ACSF3: variants seen among roughly 807,000 people sequenced by gnomAD.
ACSF3 encodes malonate--CoA ligase ACSF3, mitochondrial.
ACSF3 carries 78 observed loss-of-function variants against 53.2 expected under a neutral mutation model. The ratio of observed to expected loss-of-function variants is 1.47; its 90% confidence interval spans 1.22 to 1.77. The LOEUF (loss-of-function observed/expected upper bound fraction) is 1.77. Among genes scored for constraint, ACSF3 ranks in the 40% most tolerant of loss-of-function variants. ACSF3 has a pLI of 0.00. For missense variants in ACSF3, 937 were observed against 771.1 expected (o/e 1.22, Z -2.55); for synonymous variants, 414 against 333.1 (o/e 1.24, Z -2.65).
At chr16:89,118,811 G>A (rs534287076) in intron 6 of ACSF3, among the ~76,000 whole-genome samples, 1 of 152,324 alleles carries the variant, frequency 6.6e-6, no homozygotes, top group Admixed American at 6.5e-5. Flanking sequence ...GAGTTATCAG[G>A]GAGGGGCTGG....
At chr16:89,101,793 C>T (rs1319365103) in intron 3 of ACSF3, among the ~76,000 whole-genome samples, 1 of 152,228 alleles carries the variant, frequency 6.6e-6, no homozygotes, top group East Asian at 1.9e-4. Flanking sequence ...GGCATTTGTA[C>T]AGTGTCATAA....
At chr16:89,132,035 G>A (rs551023866) in intron 7 of ACSF3, among the ~76,000 whole-genome samples, 6 of 152,338 alleles carry the variant, frequency 3.9e-5, no homozygotes, top group African/African-American at 1.4e-4. Flanking sequence ...CCCTCCTGGA[G>A]GAGCCCAGGC....
intron 5 of ACSF3, 112 bp from the exon 6 acceptor site, chr16:89,114,227 G>A: frequency 6.8e-7 from 1 of 1,472,044 alleles, no homozygotes; most frequent in Non-Finnish European, 9.3e-7. Context: ...ACTCGTGAAG[G>A]AGCTGCCACT....
intron 8 of ACSF3, chr16:89,141,215 C>A (rs1237268081): frequency 4.7e-6 from 6 of 1,287,226 alleles, no homozygotes; most frequent in East Asian, 1.1e-4. Flanking sequence ...TTGATAGCAG[C>A]GTCCCAGCCT....
At chr16:89,114,307 G>C (rs1411028567) in intron 5 of ACSF3, 32 bp from the exon 6 acceptor site, 2 of 1,613,358 alleles carry the variant, frequency 1.2e-6, no homozygotes, top group South Asian at 1.1e-5. Flanking sequence ...ACGTCCCAAG[G>C]GGCTAAACCT....
intron 8 of ACSF3, 91 bp downstream of exon 8, chr16:89,133,353 G>A: frequency 1.9e-6 from 3 of 1,566,274 alleles, no homozygotes; most frequent in Middle Eastern, 2.0e-4. Context: ...GAGGCTGGGA[G>A]TTCCCAGAAT....
chr16:89,130,696 C>T (rs1909098504), intron 7 of ACSF3, among the ~76,000 whole-genome samples: 1 of 152,202 alleles, frequency 6.6e-6, no homozygotes, highest in African/African-American at 2.4e-5. Flanking sequence ...TATGATGTGT[C>T]TGGGCTTGGA....
rs11273288 is a variant in ACSF3, at chr16:89,100,667, C to CCCCAGGAGGCTCCCAGGAG, written c.-14_-13insCCAGGAGGCTCCCAGGAGC. ...TGTGCCTTGCCTTTCTCCAGCTCGGCCGCCTGTCAGTGCAATGCTGCCCCA... is the reference window on the plus strand; with the variant it reads ...TGTGCCTTGCCTTTCTCCAGCTCGGCCCCAGGAGGCTCCCAGGAGCGCCTGTCAGTGCAATGCTGCCCCA... On this transcript the variant is annotated 5_prime_UTR_variant, in exon 3 of 11. Coordinates refer to ENST00000614302, the MANE Select transcript of ACSF3 (RefSeq NM_001243279.3). The CCCCAGGAGGCTCCCAGGAG allele has an allele frequency of 3.8e-6, 6 of 1,588,688 alleles. No homozygotes were observed. Among genetic ancestry groups the CCCCAGGAGGCTCCCAGGAG allele is most frequent in the Middle Eastern group, 1.8e-4 (1 of 5,440 alleles).
At chr16:89,107,394 G>C (rs748914192) in intron 4 of ACSF3, among the ~76,000 whole-genome samples, 1 of 152,078 alleles carries the variant, frequency 6.6e-6, no homozygotes, top group Admixed American at 6.5e-5. Flanking sequence ...CCTGCTACAC[G>C]CATGCTCTCC....
rs1038339913 is a variant in ACSF3, at chr16:89,154,571, C to T, written c.*364C>T. ...AGAGGTTTCCCACAAAAAACAAAGACTCCACTGGAGGAAACAAGCCCCTGT... is the reference window on the plus strand; with the variant it reads ...AGAGGTTTCCCACAAAAAACAAAGATTCCACTGGAGGAAACAAGCCCCTGT... On this transcript the variant is annotated 3_prime_UTR_variant, in exon 11 of 11. Coordinates refer to ENST00000614302, the MANE Select transcript of ACSF3 (RefSeq NM_001243279.3). 73 of 404,830 alleles carry T rather than the reference C, an allele frequency of 1.8e-4. 2 individuals carry two copies. The Admixed American group carries it at 1.8e-3, about 10-fold the overall frequency. 25.1% of individuals were successfully genotyped at this position (404,830 alleles called of 1,614,324 possible).
At chr16:89,106,361 C>T (rs1033140059) in intron 4 of ACSF3, among the ~76,000 whole-genome samples, 6 of 151,026 alleles carry the variant, frequency 4.0e-5, no homozygotes, top group African/African-American at 9.7e-5. Flanking sequence ...GGCACGATCT[C>T]GGCTCACTGC....
chr16:89,130,086 C>A (rs1908967859), intron 7 of ACSF3, among the ~76,000 whole-genome samples: 1 of 152,212 alleles, frequency 6.6e-6, no homozygotes, highest in South Asian at 2.1e-4. Flanking sequence ...TCCCAATATA[C>A]CAAGTCTCCT....
rs1409424456 is a variant in ACSF3 at position 89,147,135 on chromosome 16, G to C, written c.1613+1086G>C. On this transcript the variant is annotated intron_variant, in intron 10 of 10. Transcript: ENST00000614302. Reference sequence around the variant, plus strand: ...TACATGGCCGGAGCAGGAGGGAGGAGGGAGGAGCCACAGAGTGAGTGAGGG... The same window carrying C: ...TACATGGCCGGAGCAGGAGGGAGGACGGAGGAGCCACAGAGTGAGTGAGGG... Among the ~76,000 whole-genome samples the C allele has an allele frequency of 3.3e-5, 5 of 150,092 alleles. No homozygotes were observed. The East Asian group carries it at 9.9e-4, about 30-fold the overall frequency.
chr16:89,153,999 CA>C (rs1914428930), intron 10 of ACSF3, 90 bp from the exon 11 acceptor site: 4 of 1,367,406 alleles, frequency 2.9e-6, no homozygotes, highest in Non-Finnish European at 4.1e-6. Context: ...TGCAGGGTCC[CA>C]GGGGCACCTG....
Position 89,101,060 on chromosome 16 carries a change from A to G in ACSF3, c.379A>G (p.Arg127Gly), listed in dbSNP as rs761018548. The change falls in exon 3 of 11, where the codon AGG becomes GGG. Residue 127 changes from arginine (R) to glycine (G), a missense_variant. Transcript: ENST00000614302. Reference sequence around the variant, plus strand: ...TGGCGGTGTGGCAGTCCCCCTCTACAGGAAGCATCCCGCGGCCCAGCTGGA... The same window carrying G: ...TGGCGGTGTGGCAGTCCCCCTCTACGGGAAGCATCCCGCGGCCCAGCTGGA... ...MSGGVAVPLY[R>G]KHPAAQLEYV... 52 of 1,613,874 alleles carry G rather than the reference A, an allele frequency of 3.2e-5. No individual in the cohort carries two copies. The highest frequency in any genetic ancestry group is 1.6e-4 in the Middle Eastern group (1 of 6,084).
Position 89,154,779 on chromosome 16 carries a change from C to A in ACSF3, c.*572C>A. 2.2e-6 allele frequency: 1 copy of A among 454,158 alleles called. No homozygotes were observed. Among genetic ancestry groups the A allele is most frequent in the Non-Finnish European group, 4.4e-6 (1 of 226,802 alleles). The allele number at this position is 454,158 out of a possible 1,614,324, so 28.1% of individuals were successfully genotyped here. A position where few individuals can be genotyped will look rare whatever the true frequency, so the allele number is the denominator to read the frequency against. On this transcript the variant is annotated 3_prime_UTR_variant, in exon 11 of 11. Transcript: ENST00000614302. ...TGGTGCTGCTCTTGGAGGAGAGCAG[C>A]TCCCACTGTGGGGACACCTGCCACC... is the stretch of plus-strand genomic sequence containing the variant.
chr16:89,146,114 C>A, intron 10 of ACSF3, 65 bp downstream of exon 10: 3 of 1,183,400 alleles, frequency 2.5e-6, no homozygotes, highest in East Asian at 4.7e-5. Context: ...TTGAGGGCCA[C>A]CCTAGGTATT....
At chr16:89,136,053 G>A (rs375554959) in intron 8 of ACSF3, among the ~76,000 whole-genome samples, 1 of 152,274 alleles carries the variant, frequency 6.6e-6, no homozygotes, top group Non-Finnish European at 1.5e-5. Context: ...GGGATTGCAG[G>A]CGTCAGCCAC....
At chr16:89,134,411 G>C (rs970796494) in intron 8 of ACSF3, among the ~76,000 whole-genome samples, 1 of 152,224 alleles carries the variant, frequency 6.6e-6, no homozygotes, top group Non-Finnish European at 1.5e-5. Context: ...CCAGTCGGGA[G>C]TGGCAGTGGG....
Sources: allele counts gnomAD v4.1 joint callset (sites outside exome capture counted in the v4.1 genomes callset), GRCh38; gene constraint gnomAD v4.1.1; transcripts MANE v1.5; gene names NCBI Gene and HGNC (gene_info 2026-07-23, HGNC 2026-07-21).